The following GPC3 variants were observed in gnomAD, a reference collection of about 807,000 sequenced individuals.
GPC3 encodes the protein glypican-3.
A neutral mutation model predicts 34.4 loss-of-function variants in GPC3; 3 were observed. That is an observed-to-expected ratio of 0.09 (90% confidence interval 0.04 to 0.23). The LOEUF (loss-of-function observed/expected upper bound fraction) is 0.23. GPC3 is among the 10% of genes least tolerant of loss of function. The pLI, the probability that GPC3 is intolerant of heterozygous loss-of-function variation, is 1.00. For synonymous variants in GPC3, 177 were observed against 174.0 expected (o/e 1.02, Z -0.13); for missense variants, 351 against 445.6 (o/e 0.79, Z 1.91).
chrX:133,899,056 A>G (rs1197888272), intron 2 of GPC3, among the ~76,000 whole-genome samples: 2 of 112,226 alleles, frequency 1.8e-5, no homozygotes, highest in Admixed American at 1.9e-4. Flanking sequence ...TGTTTTTTAA[A>G]TATCTCCCAT....
intron 6 of GPC3, among the ~76,000 whole-genome samples, chrX:133,600,178 A>G (rs924894962): frequency 8.9e-6 from 1 of 112,068 alleles, no homozygotes; most frequent in African/African-American, 3.2e-5. Context: ...CACTCAATAT[A>G]TGTGCTATTG....
chrX:133,687,430 C>T (rs1285544322), intron 5 of GPC3, among the ~76,000 whole-genome samples: 19 of 70,070 alleles, frequency 2.7e-4, no homozygotes, highest in Admixed American at 7.0e-4. Flanking sequence ...CTTACTCTGT[C>T]GCCCAGGCTG....
intron 6 of GPC3, among the ~76,000 whole-genome samples, chrX:133,613,501 C>T (rs2070131140): frequency 8.9e-6 from 1 of 111,854 alleles, no homozygotes; most frequent in African/African-American, 3.2e-5. Flanking sequence ...GTTTTCTCAT[C>T]TGTAGAACAG....
At chrX:133,657,580 G>A (rs1025159618) in intron 6 of GPC3, among the ~76,000 whole-genome samples, 1 of 111,248 alleles carries the variant, frequency 9.0e-6, no homozygotes, top group Admixed American at 9.6e-5. Flanking sequence ...ATTTCTGATC[G>A]TGGGAATGTT....
intron 2 of GPC3, among the ~76,000 whole-genome samples, chrX:133,855,144 TTTCTCTTCTC>T (rs368580957): frequency 9.0e-5 from 10 of 111,188 alleles, no homozygotes; most frequent in Non-Finnish European, 1.9e-4. Flanking sequence ...AGATGTTCTT[TTTCTCTTCTC>T]TTCTCTTCTC....
At chrX:133,636,437 C>T (rs180927173) in intron 6 of GPC3, among the ~76,000 whole-genome samples, 1,809 of 112,431 alleles carry the variant, frequency 0.016, 19 homozygotes, top group Middle Eastern at 0.028. Flanking sequence ...GAGGCCAAGG[C>T]AGGTGGATCA....
chrX:133,769,881 G>C (rs889387586), intron 2 of GPC3, among the ~76,000 whole-genome samples: 1 of 112,393 alleles, frequency 8.9e-6, no homozygotes, highest in African/African-American at 3.2e-5. Flanking sequence ...CGAAATGCCA[G>C]ATACCCTGCA....
intron 7 of GPC3, among the ~76,000 whole-genome samples, chrX:133,545,442 T>C (rs2069375324): frequency 9.0e-6 from 1 of 111,091 alleles, no homozygotes. Flanking sequence ...TTCAAGACTG[T>C]AGTGCACTAT....
intron 2 of GPC3, among the ~76,000 whole-genome samples, chrX:133,765,756 T>C (rs1323849018): frequency 1.8e-5 from 2 of 111,917 alleles, no homozygotes; most frequent in Admixed American, 9.5e-5. Context: ...CACTTTTTAT[T>C]TCTGCAAGTG....
At position 133,969,060 on chromosome X, in the gene GPC3, T is replaced by A. The variant is rs189656349; in HGVS notation, c.176-15849A>T. Among the ~76,000 whole-genome samples the A allele has an allele frequency of 2.2e-3, 240 of 109,002 alleles. 2 individuals are homozygous for A. The highest frequency in any genetic ancestry group is 7.9e-3 in the African/African-American group (235 of 29,788). 94.7% of individuals were successfully genotyped at this position (109,002 alleles called of 115,157 possible). A position where few individuals can be genotyped will look rare whatever the true frequency, so the allele number is the denominator to read the frequency against. On this transcript the variant is annotated intron_variant, in intron 1 of 7. Transcript: ENST00000370818. The stretch of plus-strand genomic sequence containing the variant: ...ATATTTTTAAGTGTGTTTTTGCAAC[T>A]GTGAGGAGACCAAGGCTCTAAAACA...
intron 2 of GPC3, among the ~76,000 whole-genome samples, chrX:133,761,318 G>C (rs1441333933): frequency 8.9e-6 from 1 of 112,323 alleles, no homozygotes. Flanking sequence ...GACACTAAAA[G>C]TGTTGCTCCA....
At chrX:133,790,863 T>C (rs2072153695) in intron 2 of GPC3, among the ~76,000 whole-genome samples, 2 of 111,187 alleles carry the variant, frequency 1.8e-5, no homozygotes, top group Admixed American at 9.5e-5. Flanking sequence ...CTGAGCACAG[T>C]ATAAATCACT....
intron 4 of GPC3, among the ~76,000 whole-genome samples, chrX:133,697,969 T>C (rs1281667292): frequency 1.8e-5 from 2 of 112,038 alleles, no homozygotes; most frequent in Non-Finnish European, 3.8e-5. Context: ...GGCTGGAATA[T>C]GTAGATATAA....
chrX:133,958,544 C>CAA (rs761514189), intron 1 of GPC3, among the ~76,000 whole-genome samples: 11 of 40,537 alleles, frequency 2.7e-4, no homozygotes, highest in Non-Finnish European at 4.8e-4. Flanking sequence ...GACCCAGTCT[C>CAA]AAAAAAAAAA....
chrX:133,624,168 G>A (rs2070268399), intron 6 of GPC3, among the ~76,000 whole-genome samples: 3 of 111,747 alleles, frequency 2.7e-5, no homozygotes, highest in Admixed American at 1.9e-4. Flanking sequence ...AGTGTGTAGA[G>A]GGAAATTTAT....
intron 2 of GPC3, among the ~76,000 whole-genome samples, chrX:133,901,332 T>TC (rs386417576): frequency 2.2e-5 from 1 of 45,143 alleles, no homozygotes; most frequent in African/African-American, 4.7e-4. Flanking sequence ...CACAAGTACC[T>TC]TTTTTCATGG....
intron 2 of GPC3, among the ~76,000 whole-genome samples, chrX:133,784,441 C>T (rs2072082352): frequency 9.0e-6 from 1 of 111,344 alleles, no homozygotes; most frequent in Non-Finnish European, 1.9e-5. Flanking sequence ...TGAAAATCCC[C>T]TCTGGAATCT....
chrX:133,592,382 A>T (rs7064423), intron 7 of GPC3, among the ~76,000 whole-genome samples: 1,377 of 102,062 alleles, frequency 0.013, 36 homozygotes, highest in African/African-American at 0.048. Context: ...CACCTCCAGT[A>T]TAAATTTTCT....
rs766842299 is a variant in GPC3, at chrX:133,925,109, C to T, written c.337+27941G>A. ...ACAAATAATAATCACACCAGTCTAA[C>T]ATCAATCCCCAACAGGATTTTAGAA... is the stretch of plus-strand genomic sequence containing the variant. On this transcript the variant is annotated intron_variant, in intron 2 of 7. Transcript: ENST00000370818. Among the ~76,000 whole-genome samples, 11 of 107,946 alleles carry T rather than the reference C, an allele frequency of 1.0e-4. No individual in the cohort carries two copies. The East Asian group carries it at 2.7e-3, about 26-fold the overall frequency. The allele number at this position is 107,946 out of a possible 115,157, so 93.7% of individuals were successfully genotyped here.
Sources: gnomAD v4.1 joint callset for allele counts (sites outside exome capture counted in the v4.1 genomes callset) on GRCh38, gnomAD v4.1.1 for gene constraint, MANE v1.5 for transcripts, NCBI Gene and HGNC (gene_info 2026-07-23, HGNC 2026-07-21) for gene names.